The following FAM81A variants were observed in gnomAD, a reference collection of about 807,000 sequenced individuals.
FAM81A encodes protein FAM81A.
FAM81A carries 19 observed loss-of-function variants against 46.7 expected under a neutral mutation model. That is an observed-to-expected ratio of 0.41 (90% CI 0.28 to 0.60). The LOEUF is 0.60. Ranked by LOEUF, FAM81A falls within the 20% of genes least tolerant of loss-of-function variation. The pLI, the probability that FAM81A is intolerant of heterozygous loss-of-function variation, is 0.34. For missense variants in FAM81A, 377 were observed against 453.5 expected, an observed-to-expected ratio of 0.83 and a Z score of 1.53; for synonymous variants, 183 against 152.9, an observed-to-expected ratio of 1.20 and a Z score of -1.45.
chr15:59,458,405 A>G (rs2081509356), intron 1 of FAM81A, 145 bp from the exon 2 acceptor site: 1 of 594,704 alleles, frequency 1.7e-6, no homozygotes, highest in Non-Finnish European at 2.9e-6. Flanking sequence ...TGTTTATTTC[A>G]TGTATAAGAT....
At chr15:59,489,192 G>C (rs1170629338) in intron 3 of FAM81A, among the ~76,000 whole-genome samples, 2 of 152,088 alleles carry the variant, frequency 1.3e-5, no homozygotes, top group Non-Finnish European at 2.9e-5. Context: ...ATGAACCTGG[G>C]AGGCGGAGGT....
At chr15:59,406,929 A>G (rs2081097670) in intron 2 of FAM81A, 1 of 136,404 alleles carries the variant, frequency 7.3e-6, no homozygotes, top group African/African-American at 2.8e-5. Flanking sequence ...TATTTTAATT[A>G]TTTTTATGTG....
At chr15:59,472,551 C>T (rs1459199721) in intron 3 of FAM81A, among the ~76,000 whole-genome samples, 1 of 99,578 alleles carries the variant, frequency 1.0e-5, no homozygotes, top group South Asian at 3.3e-4. Flanking sequence ...GTGTTCCTTT[C>T]CCCATTCCTT....
At chr15:59,442,095 G>A (rs2081304382) in intron 1 of FAM81A, among the ~76,000 whole-genome samples, 1 of 152,132 alleles carries the variant, frequency 6.6e-6, no homozygotes, top group South Asian at 2.1e-4. Flanking sequence ...CTGGGAAAGG[G>A]ACTCCACCAG....
intron 2 of FAM81A, among the ~76,000 whole-genome samples, chr15:59,422,531 C>T (rs59012286): frequency 0.014 from 2,082 of 152,136 alleles, 53 homozygotes; most frequent in African/African-American, 0.048. Context: ...GGCTGGAGTG[C>T]AGTGGTGTGA....
In FAM81A at chr15:59,507,206, T is replaced by G. The variant is rs374835190; in HGVS notation, c.414-7T>G. 5.0e-6 allele frequency: 8 copies of G among 1,608,196 alleles called. No homozygotes were observed. In the African/African-American group the frequency reaches 9.3e-5, roughly 19 times the overall value. On this transcript the variant is annotated splice_region_variant and splice_polypyrimidine_tract_variant and intron_variant, in intron 4 of 8. Transcript: ENST00000288228. ...ATAAGAATCAGCTTTGTTCTTTGTCTGGACAGATGTGATGCCAGCATAGCT... is the reference window on the plus strand; with the variant it reads ...ATAAGAATCAGCTTTGTTCTTTGTCGGGACAGATGTGATGCCAGCATAGCT...
rs141916311 is a variant in FAM81A, at chr15:59,484,477, C to T, written c.295-7794C>T. ...CACTGAAGAGGGTAGGAAGGACAGTCTTGAATCACCAACACCACCCCTCCA... is the reference window on the plus strand; with the variant it reads ...CACTGAAGAGGGTAGGAAGGACAGTTTTGAATCACCAACACCACCCCTCCA... On this transcript the variant is annotated intron_variant, in intron 3 of 8. Coordinates refer to ENST00000288228, the MANE Select transcript of FAM81A (RefSeq NM_152450.3). 5.9e-3 allele frequency among the ~76,000 whole-genome samples: 904 copies of T among 152,308 alleles called. 4 individuals carry two copies. Among genetic ancestry groups the T allele is most frequent in the Non-Finnish European group, 9.3e-3 (631 of 68,030 alleles).
chr15:59,445,956 G>C (rs1268540619), intron 1 of FAM81A, among the ~76,000 whole-genome samples: 1 of 152,060 alleles, frequency 6.6e-6, no homozygotes, highest in Admixed American at 6.5e-5. Context: ...CCCACTGCAG[G>C]GTGACCTCCA....
chr15:59,450,669 C>T (rs1186904931), intron 1 of FAM81A, among the ~76,000 whole-genome samples: 1 of 152,084 alleles, frequency 6.6e-6, no homozygotes, highest in East Asian at 1.9e-4. Flanking sequence ...CTTCCATTGT[C>T]CAGAACAGAG....
chr15:59,441,024 C>A (rs1267158891), intron 1 of FAM81A, among the ~76,000 whole-genome samples: 2 of 152,142 alleles, frequency 1.3e-5, no homozygotes, highest in African/African-American at 4.8e-5. Context: ...TTCCTCAAGG[C>A]CCCCAAGCAT....
intron 3 of FAM81A, among the ~76,000 whole-genome samples, chr15:59,481,287 C>T (rs1351072320): frequency 2.0e-5 from 3 of 152,170 alleles, no homozygotes; most frequent in Admixed American, 1.3e-4. Flanking sequence ...AGTGAGCCAT[C>T]GCACCCGACC....
At chr15:59,495,091 T>A (rs1403394804) in intron 4 of FAM81A, among the ~76,000 whole-genome samples, 7 of 152,210 alleles carry the variant, frequency 4.6e-5, no homozygotes, top group Admixed American at 4.6e-4. Flanking sequence ...TCAGTGATTT[T>A]TAGTGTATTC....
rs538778576 is a variant in FAM81A at position 59,453,972 on chromosome 15, G to A, written c.-77-4578G>A. On this transcript the variant is annotated intron_variant, in intron 1 of 8. Coordinates refer to ENST00000288228, the MANE Select transcript of FAM81A (RefSeq NM_152450.3). The stretch of plus-strand genomic sequence containing the variant: ...TCCCCATCTCCTCTGACTCCTGCCT[G>A]CCTGGGAGGCCCTTGCCTTCTGCCA... Among the ~76,000 whole-genome samples the A allele has an allele frequency of 5.3e-4, 80 of 152,298 alleles. 2 individuals are homozygous for A. In the South Asian group the frequency reaches 0.016, roughly 30 times the overall value.
chr15:59,479,396 A>G (rs534031071), intron 3 of FAM81A, among the ~76,000 whole-genome samples: 40 of 151,898 alleles, frequency 2.6e-4, no homozygotes, highest in Non-Finnish European at 4.9e-4. Context: ...CTGTACTCCC[A>G]GCTGCTTGGG....
In FAM81A at chr15:59,407,121, G is replaced by C. The variant is rs565418697; in HGVS notation, c.-78+4763G>C. Reference sequence around the variant, plus strand: ...GATGGCTTCCTCCAGCTGAGCCGAAGCTTCTTTGTCTTCCAAGTTAGGCTG... The same window carrying C: ...GATGGCTTCCTCCAGCTGAGCCGAACCTTCTTTGTCTTCCAAGTTAGGCTG... On this transcript the variant is annotated intron_variant, in intron 2 of 4. Coordinates refer to the FAM81A transcript ENST00000558348. 14 of 156,532 alleles carry C rather than the reference G, an allele frequency of 8.9e-5. No homozygotes were observed. The South Asian group carries it at 2.5e-3, about 28-fold the overall frequency. 9.7% of individuals were successfully genotyped at this position (156,532 alleles called of 1,614,324 possible). A position where few individuals can be genotyped will look rare whatever the true frequency, so the allele number is the denominator to read the frequency against.
intron 1 of FAM81A, among the ~76,000 whole-genome samples, chr15:59,439,226 C>T (rs934712104): frequency 1.3e-5 from 2 of 151,948 alleles, no homozygotes; most frequent in African/African-American, 2.4e-5. Flanking sequence ...TAGAATGATT[C>T]GAATCCACAA....
chr15:59,440,720 T>C (rs1369816230), intron 1 of FAM81A, among the ~76,000 whole-genome samples: 1 of 152,226 alleles, frequency 6.6e-6, no homozygotes, highest in Admixed American at 6.5e-5. Context: ...CTGAGGACCC[T>C]GGTCCCTTAA....
chr15:59,441,803 C>T (rs1339574161), intron 1 of FAM81A, among the ~76,000 whole-genome samples: 1 of 152,196 alleles, frequency 6.6e-6, no homozygotes. Flanking sequence ...GGCATGTAGA[C>T]ACGGGGATGC....
chr15:59,403,975 C>T (rs1237012487), intron 2 of FAM81A, among the ~76,000 whole-genome samples: 2 of 151,650 alleles, frequency 1.3e-5, no homozygotes, highest in African/African-American at 4.8e-5. Flanking sequence ...CCTCTGCCTC[C>T]TGGGTTCAAG....
Sources: gnomAD v4.1 joint callset for allele counts (sites outside exome capture counted in the v4.1 genomes callset) on GRCh38, gnomAD v4.1.1 for gene constraint, MANE v1.5 for transcripts, NCBI Gene and HGNC (gene_info 2026-07-23, HGNC 2026-07-21) for gene names.